Variants in PTPRT observed in about 807,000 individuals in gnomAD.
PTPRT encodes the protein receptor-type tyrosine-protein phosphatase T.
PTPRT carries 56 observed loss-of-function variants against 176.8 expected under a neutral mutation model. The ratio of observed to expected loss-of-function variants is 0.32; its 90% CI spans 0.26 to 0.40. The LOEUF (loss-of-function observed/expected upper bound fraction) is 0.40. PTPRT is among the 10% of genes least tolerant of loss of function. The pLI, the probability that PTPRT is intolerant of heterozygous loss-of-function variation, is 1.00. For missense variants in PTPRT, 1,540 were observed against 1,908.2 expected, an observed-to-expected ratio of 0.81 and a Z score of 3.60; for synonymous variants, 783 against 739.0, an observed-to-expected ratio of 1.06 and a Z score of -0.96.
At chr20:42,815,213 T>A (rs1413938072) in intron 2 of PTPRT, among the ~76,000 whole-genome samples, 1 of 152,184 alleles carries the variant, frequency 6.6e-6, no homozygotes, top group East Asian at 1.9e-4. Context: ...CACGTTCATT[T>A]GCAGAAGCTA....
intron 12 of PTPRT, among the ~76,000 whole-genome samples, chr20:42,309,266 G>A (rs747914363): frequency 4.6e-5 from 7 of 152,086 alleles, no homozygotes; most frequent in East Asian, 1.9e-4. Context: ...TCACAATTAC[G>A]GCTAATGGTG....
intron 7 of PTPRT, among the ~76,000 whole-genome samples, chr20:42,631,798 A>T (rs191229397): frequency 6.6e-6 from 1 of 152,284 alleles, no homozygotes; most frequent in African/African-American, 2.4e-5. Context: ...AGCTTGTGCA[A>T]GGTTAACCCA....
intron 1 of PTPRT, among the ~76,000 whole-genome samples, chr20:43,030,856 G>C (rs969394667): frequency 2.0e-5 from 3 of 152,166 alleles, no homozygotes; most frequent in African/African-American, 7.2e-5. Context: ...TGGAGAAAGG[G>C]AAAAGCACAA....
intron 3 of PTPRT, 34 bp from the exon 4 acceptor site, chr20:42,780,333 A>G (rs771258934): frequency 6.5e-7 from 1 of 1,547,808 alleles, no homozygotes; most frequent in Non-Finnish European, 8.9e-7. Flanking sequence ...AATTTCACAG[A>G]AACAGTTGCA....
At chr20:42,892,859 G>T (rs973280649) in intron 1 of PTPRT, among the ~76,000 whole-genome samples, 1 of 152,180 alleles carries the variant, frequency 6.6e-6, no homozygotes, top group Non-Finnish European at 1.5e-5. Context: ...GTATATGCTT[G>T]CACTTTATTG....
intron 1 of PTPRT, among the ~76,000 whole-genome samples, chr20:43,109,603 T>C (rs951611956): frequency 6.6e-6 from 1 of 152,180 alleles, no homozygotes; most frequent in African/African-American, 2.4e-5. Context: ...ACATGGTCCC[T>C]TCCTTCATTT....
intron 15 of PTPRT, among the ~76,000 whole-genome samples, chr20:42,212,664 GA>G (rs1282645325): frequency 6.6e-6 from 1 of 152,126 alleles, no homozygotes; most frequent in Non-Finnish European, 1.5e-5. Context: ...ACACGGATTA[GA>G]GTAGTACTTC....
chr20:42,914,527 T>G (rs923198965), intron 1 of PTPRT, among the ~76,000 whole-genome samples: 1 of 152,188 alleles, frequency 6.6e-6, no homozygotes, highest in Admixed American at 6.5e-5. Context: ...CTATTGACGC[T>G]TGCAACAATA....
intron 1 of PTPRT, among the ~76,000 whole-genome samples, chr20:42,987,997 C>G (rs1454077825): frequency 6.6e-6 from 1 of 152,158 alleles, no homozygotes; most frequent in African/African-American, 2.4e-5. Flanking sequence ...GAGATGGAAG[C>G]TGTAGTAGCT....
intron 1 of PTPRT, among the ~76,000 whole-genome samples, chr20:43,013,912 A>T (rs185555297): frequency 3.3e-5 from 5 of 152,334 alleles, no homozygotes; most frequent in Admixed American, 2.6e-4. Flanking sequence ...TGACATGAGG[A>T]GAATAATAGC....
Position 42,601,447 on chromosome 20 carries a change from A to G in PTPRT, c.1153+76419T>C, listed in dbSNP as rs553916405. ...TCTGGGTGCTCATAAAATCCTTGTGAGATTTGAAGGCCAGAAACCATCTTC... is the reference window on the plus strand; with the variant it reads ...TCTGGGTGCTCATAAAATCCTTGTGGGATTTGAAGGCCAGAAACCATCTTC... On this transcript the variant is annotated intron_variant, in intron 7 of 30. Transcript: ENST00000373187. 1.4e-3 allele frequency among the ~76,000 whole-genome samples: 207 copies of G among 152,336 alleles called. 1 individual carries two copies. Among genetic ancestry groups the G allele is most frequent in the African/African-American group, 4.9e-3 (202 of 41,586 alleles).
Position 42,707,306 on chromosome 20 carries a change from C to T in PTPRT, c.860-29147G>A, listed in dbSNP as rs1323897954. ...CTCTTAACATTTTCATCCTGTTATACGGGCCCTGTATAATCCTTGGGAGCA... is the reference window on the plus strand; with the variant it reads ...CTCTTAACATTTTCATCCTGTTATATGGGCCCTGTATAATCCTTGGGAGCA... On this transcript the variant is annotated intron_variant, in intron 6 of 30. Coordinates refer to ENST00000373187, the MANE Select transcript of PTPRT (RefSeq NM_007050.6). Among the ~76,000 whole-genome samples the T allele has an allele frequency of 5.9e-5, 9 of 152,038 alleles. No individual in the cohort carries two copies. The South Asian group carries it at 1.0e-3, about 17-fold the overall frequency.
chr20:42,090,058 A>C (rs2425467), intron 27 of PTPRT, among the ~76,000 whole-genome samples: 1 of 151,750 alleles, frequency 6.6e-6, no homozygotes, highest in Admixed American at 6.6e-5. Context: ...TGGCTCTATC[A>C]CTTTCTAGTT....
intron 16 of PTPRT, among the ~76,000 whole-genome samples, chr20:42,179,282 T>G (rs1990419251): frequency 6.6e-6 from 1 of 152,226 alleles, no homozygotes; most frequent in South Asian, 2.1e-4. Context: ...TCCAAGGCAT[T>G]CACTTAATAA....
chr20:42,375,557 G>GC (rs1462701495), intron 9 of PTPRT, among the ~76,000 whole-genome samples: 2 of 152,080 alleles, frequency 1.3e-5, no homozygotes, highest in African/African-American at 2.4e-5. Context: ...CACCAAACCT[G>GC]CCCCCCTGGA....
chr20:42,426,727 C>T (rs73121644), intron 9 of PTPRT, among the ~76,000 whole-genome samples: 17,694 of 152,148 alleles, frequency 0.12, 1,000 homozygotes, highest in Middle Eastern at 0.14. Flanking sequence ...CTGTGAGCTC[C>T]CCCTCCCGTA....
At chr20:42,146,675 T>G (rs1600587668) in intron 17 of PTPRT, among the ~76,000 whole-genome samples, 1 of 152,192 alleles carries the variant, frequency 6.6e-6, no homozygotes, top group African/African-American at 2.4e-5. Context: ...TTGTTTTGGG[T>G]TTGTCCCCTC....
intron 17 of PTPRT, among the ~76,000 whole-genome samples, chr20:42,158,941 G>T (rs776913160): frequency 1.3e-5 from 2 of 152,144 alleles, no homozygotes; most frequent in Non-Finnish European, 2.9e-5. Context: ...GTACAACGAA[G>T]AAAGTTTGAA....
intron 7 of PTPRT, among the ~76,000 whole-genome samples, chr20:42,540,908 G>A (rs1466668852): frequency 6.6e-6 from 1 of 152,104 alleles, no homozygotes; most frequent in Non-Finnish European, 1.5e-5. Context: ...GATGGGTGGG[G>A]AGTACAGGGA....
Sources: allele counts gnomAD v4.1 joint callset (sites outside exome capture counted in the v4.1 genomes callset), GRCh38; gene constraint gnomAD v4.1.1; transcripts MANE v1.5; gene names NCBI Gene and HGNC (gene_info 2026-07-23, HGNC 2026-07-21).